Variants in IL12RB1 observed in about 807,000 individuals in gnomAD.
IL12RB1 encodes the protein interleukin 12 receptor subunit beta 1.
Under a neutral mutation model 94.4 loss-of-function variants are expected in IL12RB1, and 64 were observed. The observed-to-expected ratio is 0.68, with a 90% confidence interval of 0.55 to 0.83. The LOEUF is 0.83. IL12RB1 is among the 40% of genes least tolerant of loss of function. IL12RB1 has a pLI of 0.00. For missense variants in IL12RB1, 814 were observed against 855.6 expected (o/e 0.95, Z 0.61); for synonymous variants, 362 against 355.5 (o/e 1.02, Z -0.21).
chr19:18,068,797 G>A (rs1166949299), intron 10 of IL12RB1, among the ~76,000 whole-genome samples: 1 of 148,456 alleles, frequency 6.7e-6, no homozygotes, highest in Non-Finnish European at 1.5e-5. Context: ...CACCCAGGCT[G>A]GAGTGCAATA....
At position 18,060,069 on chromosome 19, in the gene IL12RB1, T is replaced by G; in HGVS notation, c.1808A>C (p.Asn603Thr). 1 of 1,599,160 alleles carries G rather than the reference T, an allele frequency of 6.3e-7. No homozygotes were observed. Among genetic ancestry groups the G allele is most frequent in the Non-Finnish European group, 8.6e-7 (1 of 1,168,002 alleles). Residue 603 changes from asparagine to threonine, a missense_variant, in exon 16 of 17, where the codon AAC becomes ACC. Asn to Thr is a moderately conservative substitution (Grantham distance 65, BLOSUM62 0). Coordinates refer to ENST00000593993, the MANE Select transcript of IL12RB1 (RefSeq NM_005535.3). Reference sequence around the variant, plus strand: ...TGCCTCTTCCTGGAAGTCCACTGGGTTGATCCACTGCCAAGTCTGCAGAGG... The same window carrying G: ...TGCCTCTTCCTGGAAGTCCACTGGGGTGATCCACTGCCAAGTCTGCAGAGG... ...PGGKETWQWI[N>T]PVDFQEEASL...
intron 9 of IL12RB1, chr19:18,071,377 G>T: frequency 9.9e-7 from 1 of 1,010,884 alleles, no homozygotes; most frequent in Non-Finnish European, 1.4e-6. Flanking sequence ...ATAAACACAG[G>T]GTCAACTCTA....
At chr19:18,060,310 C>G (rs1278863157) in intron 15 of IL12RB1, among the ~76,000 whole-genome samples, 2 of 152,122 alleles carry the variant, frequency 1.3e-5, no homozygotes, top group East Asian at 1.9e-4. Context: ...CAAACCCCAT[C>G]TCTACTAAAA....
At position 18,086,816 on chromosome 19, in the gene IL12RB1, G is replaced by T. The variant is rs17884651; in HGVS notation, c.8C>A (p.Pro3Gln). Residue 3 changes from proline to glutamine, a missense_variant, in exon 1 of 17, where the codon CCG (proline) becomes CAG (glutamine). Coordinates refer to ENST00000593993, the MANE Select transcript of IL12RB1 (RefSeq NM_005535.3). ME[P>Q]LVTWVVPLLF... The stretch of plus-strand genomic sequence containing the variant: ...GAGGGGGACCACCCAGGTCACCAGC[G>T]GCTCCATCGGATCCACGTAGAGCCC... 1.6e-5 allele frequency: 26 copies of T among 1,610,806 alleles called. No homozygotes were observed. In the African/African-American group the frequency reaches 3.2e-4, roughly 20 times the overall value.
intron 4 of IL12RB1, among the ~76,000 whole-genome samples, chr19:18,077,865 T>A (rs547667910): frequency 6.6e-6 from 1 of 152,188 alleles, no homozygotes; most frequent in Admixed American, 6.6e-5. Context: ...GTAATTCCAG[T>A]ATTTTGGGAG....
chr19:18,071,986 C>A, intron 9 of IL12RB1, 126 bp downstream of exon 9: 1 of 716,432 alleles, frequency 1.4e-6, no homozygotes, highest in East Asian at 2.6e-5. Flanking sequence ...TTTTGATACA[C>A]CCCTAAATCA....
intron 1 of IL12RB1, among the ~76,000 whole-genome samples, chr19:18,096,122 GGGA>G: frequency 6.6e-6 from 1 of 152,196 alleles, no homozygotes; most frequent in East Asian, 1.9e-4. Flanking sequence ...CACCTACTCT[GGGA>G]GCTGGGGTAT....
Sources: allele counts gnomAD v4.1 joint callset (sites outside exome capture counted in the v4.1 genomes callset), GRCh38; gene constraint gnomAD v4.1.1; transcripts MANE v1.5; gene names NCBI Gene and HGNC (gene_info 2026-07-23, HGNC 2026-07-21).